The following ADCK1 variants were observed in gnomAD, a reference collection of about 807,000 sequenced individuals.
ADCK1 encodes the protein aarF domain containing kinase 1.
In ADCK1, 41 loss-of-function variants were observed where a neutral mutation model predicts 52.3. The observed-to-expected ratio is 0.78, with a 90% CI of 0.61 to 1.02. The LOEUF (loss-of-function observed/expected upper bound fraction) is 1.02. Among genes scored for constraint, ADCK1 ranks in the 50% least tolerant of loss-of-function variants. The pLI, the probability that ADCK1 is intolerant of heterozygous loss-of-function variation, is 0.00. For missense variants in ADCK1, 658 were observed against 679.5 expected (o/e 0.97, Z 0.35); for synonymous variants, 250 against 274.6 (o/e 0.91, Z 0.89).
Position 77,817,887 on chromosome 14 carries a change from C to T in ADCK1, c.-11-1081C>T, listed in dbSNP as rs529950530. ...AGTAGCTGGGACTACAGGCGCCCGCCACCACGCCTGGCTAATTTTTTGTTT... is the reference window on the plus strand; with the variant it reads ...AGTAGCTGGGACTACAGGCGCCCGCTACCACGCCTGGCTAATTTTTTGTTT... On this transcript the variant is annotated intron_variant, in intron 1 of 10. Transcript: ENST00000238561. 1.1e-4 allele frequency among the ~76,000 whole-genome samples: 16 copies of T among 147,512 alleles called. 1 individual carries two copies. Among genetic ancestry groups the T allele is most frequent in the Admixed American group, 9.0e-4 (13 of 14,408 alleles).
chr14:77,882,058 G>C (rs1042544472), intron 4 of ADCK1, among the ~76,000 whole-genome samples: 2 of 152,128 alleles, frequency 1.3e-5, no homozygotes, highest in Non-Finnish European at 2.9e-5. Flanking sequence ...TGTTGGAGAG[G>C]TGGTGGTGGG....
At chr14:77,849,542 A>G (rs1392333201) in intron 3 of ADCK1, among the ~76,000 whole-genome samples, 1 of 152,028 alleles carries the variant, frequency 6.6e-6, no homozygotes, top group African/African-American at 2.4e-5. Context: ...CCGGGGCTCA[A>G]GCAGTACTTC....
chr14:77,910,819 C>T (rs1047639811), intron 7 of ADCK1, among the ~76,000 whole-genome samples: 1 of 152,212 alleles, frequency 6.6e-6, no homozygotes, highest in Non-Finnish European at 1.5e-5. Context: ...CAGGGCGTAC[C>T]CTCTGAGGAC....
At chr14:77,822,618 G>T in intron 3 of ADCK1, 100 bp downstream of exon 3, 5 of 1,038,712 alleles carry the variant, frequency 4.8e-6, no homozygotes, top group Non-Finnish European at 7.4e-6. Flanking sequence ...GCAAAGTGCT[G>T]GGATTAAAGG....
At chr14:77,867,757 G>C (rs541897316) in intron 4 of ADCK1, among the ~76,000 whole-genome samples, 80 of 152,226 alleles carry the variant, frequency 5.3e-4, no homozygotes, top group Non-Finnish European at 1.0e-3. Context: ...CTCCCGGCCT[G>C]TGTCCTGCAC....
intron 4 of ADCK1, among the ~76,000 whole-genome samples, chr14:77,884,619 T>C (rs2083107072): frequency 6.6e-6 from 1 of 152,196 alleles, no homozygotes; most frequent in Admixed American, 6.5e-5. Flanking sequence ...CAGGCATGGC[T>C]GGATCAAGAG....
At chr14:77,900,504 T>C (rs1261320355) in intron 6 of ADCK1, 7 of 432,484 alleles carry the variant, frequency 1.6e-5, no homozygotes, top group African/African-American at 1.2e-4. Context: ...GGAGAATCGC[T>C]TGGACCCAGG....
intron 3 of ADCK1, among the ~76,000 whole-genome samples, chr14:77,849,441 A>C (rs1326781169): frequency 6.6e-6 from 1 of 150,992 alleles, no homozygotes; most frequent in Non-Finnish European, 1.5e-5. Context: ...GGTGTTATTT[A>C]GTTTTCTTTC....
At chr14:77,803,119 C>T (rs924156446) in intron 1 of ADCK1, among the ~76,000 whole-genome samples, 2 of 152,132 alleles carry the variant, frequency 1.3e-5, no homozygotes, top group Non-Finnish European at 2.9e-5. Context: ...ACTTTGTGTG[C>T]TTTCTATCCA....
rs1379390581 is a variant in ADCK1, at chr14:77,907,803, G to A, written c.742G>A (p.Val248Ile). Residue 248 changes from valine to isoleucine, a missense_variant and splice_region_variant, in exon 7 of 11, where the codon GTC (valine) becomes ATC (isoleucine). Physicochemically the swap from Val to Ile is conservative, Grantham distance 29. Coordinates refer to ENST00000238561, the MANE Select transcript of ADCK1 (RefSeq NM_020421.4). ...QMLRHFDFLK[V>I]PRIHWDLSTE... is the part of the protein sequence containing the mutation. The stretch of plus-strand genomic sequence containing the variant: ...TCTGACCTGTCCCTTCCTATCCCAG[G>A]TCCCCCGAATCCACTGGGACCTGTC... 6.2e-7 allele frequency: 1 copy of A among 1,612,592 alleles called. No homozygotes were observed. The highest frequency in any genetic ancestry group is 1.7e-5 in the Admixed American group (1 of 59,926).
chr14:77,810,814 A>C (rs550340687), intron 1 of ADCK1, among the ~76,000 whole-genome samples: 2 of 152,162 alleles, frequency 1.3e-5, no homozygotes, highest in South Asian at 4.2e-4. Context: ...TACAGGCGTG[A>C]GCCTCCGTGC....
chr14:77,840,574 GTGGTGGCTCACGCC>G (rs1468704308), intron 3 of ADCK1, among the ~76,000 whole-genome samples: 1 of 152,044 alleles, frequency 6.6e-6, no homozygotes, highest in Non-Finnish European at 1.5e-5. Context: ...CTGGCCGTGT[GTGGTGGCTCACGCC>G]TGTAATCCCA....
Position 77,859,238 on chromosome 14 carries a change from C to T in ADCK1, c.382C>T (p.Gln128Ter), listed in dbSNP as rs1037228013. The change falls in exon 4 of 11, where the codon CAA (glutamine) becomes TAA (stop). Residue 128 changes from glutamine to a stop codon, truncating the protein, a stop_gained. Coordinates refer to ENST00000238561, the MANE Select transcript of ADCK1 (RefSeq NM_020421.4). LOFTEE classifies it high-confidence loss of function. The stretch of plus-strand genomic sequence containing the variant: ...CAGCCAGGCTCCACAGAGCAGCATG[C>T]AAGAGATCCGCCAGGTCATCCGAGA... ...LHSQAPQSSM[Q>*]EIRQVIREDL... The T allele has an allele frequency of 3.7e-6, 6 of 1,613,804 alleles. No individual in the cohort carries two copies. Among genetic ancestry groups the T allele is most frequent in the Non-Finnish European group, 4.2e-6 (5 of 1,179,960 alleles).
intron 9 of ADCK1, among the ~76,000 whole-genome samples, chr14:77,928,517 A>G (rs2084250205): frequency 6.6e-6 from 1 of 150,648 alleles, no homozygotes; most frequent in Admixed American, 6.6e-5. Context: ...GCTGGAGTGC[A>G]GTGGCACAAT....
At chr14:77,883,457 A>G (rs892578107) in intron 4 of ADCK1, among the ~76,000 whole-genome samples, 1 of 152,186 alleles carries the variant, frequency 6.6e-6, no homozygotes, top group Non-Finnish European at 1.5e-5. Context: ...ACCATCTATC[A>G]GCATAAAGTA....
In ADCK1 at chr14:77,840,930, A is replaced by C. The variant is rs1461965267; in HGVS notation, c.220-18146A>C. Among the ~76,000 whole-genome samples the C allele has an allele frequency of 1.9e-4, 24 of 126,484 alleles. No homozygotes were observed. The Admixed American group carries it at 1.9e-3, about 10-fold the overall frequency. The allele number at this position is 126,484 out of a possible 152,430, so 83.0% of individuals were successfully genotyped here. ...GGAGGGAAGAGGGAGGGAGGGAGGGAGGGAGGAAGGAAGGAAGGAAGGGGA... is the reference window on the plus strand; with the variant it reads ...GGAGGGAAGAGGGAGGGAGGGAGGGCGGGAGGAAGGAAGGAAGGAAGGGGA... On this transcript the variant is annotated intron_variant, in intron 3 of 10. Coordinates refer to ENST00000238561, the MANE Select transcript of ADCK1 (RefSeq NM_020421.4).
intron 6 of ADCK1, among the ~76,000 whole-genome samples, chr14:77,900,955 T>G (rs1431197672): frequency 6.6e-6 from 1 of 152,028 alleles, no homozygotes; most frequent in Non-Finnish European, 1.5e-5. Flanking sequence ...GTACGGCTTC[T>G]ACATGCTCTG....
At chr14:77,904,088 C>T (rs1298644073) in intron 6 of ADCK1, among the ~76,000 whole-genome samples, 1 of 152,090 alleles carries the variant, frequency 6.6e-6, no homozygotes, top group Non-Finnish European at 1.5e-5. Flanking sequence ...TATGGTTTTG[C>T]TCTGTGGGGA....
intron 4 of ADCK1, among the ~76,000 whole-genome samples, chr14:77,865,573 T>G (rs1215383061): frequency 6.6e-6 from 1 of 152,186 alleles, no homozygotes; most frequent in Non-Finnish European, 1.5e-5. Flanking sequence ...CAGGTTGACA[T>G]GTAAAATTAA....
Sources: allele counts gnomAD v4.1 joint callset (sites outside exome capture counted in the v4.1 genomes callset), GRCh38; gene constraint gnomAD v4.1.1; transcripts MANE v1.5; gene names NCBI Gene and HGNC (gene_info 2026-07-23, HGNC 2026-07-21).